HUNK: variants seen among roughly 807,000 people sequenced by gnomAD.
HUNK encodes the protein hormonally up-regulated neu tumor-associated kinase.
A neutral mutation model predicts 61.0 loss-of-function variants in HUNK; 21 were observed. That is an observed-to-expected ratio of 0.34 (90% CI 0.24 to 0.50). HUNK has a LOEUF of 0.50. Ranked by LOEUF, HUNK falls within the 20% of genes least tolerant of loss-of-function variation. The pLI is 0.98. For missense variants in HUNK, 772 were observed against 945.7 expected, an observed-to-expected ratio of 0.82 and a Z score of 2.41; for synonymous variants, 371 against 386.1, an observed-to-expected ratio of 0.96 and a Z score of 0.46.
chr21:31,877,557 A>G (rs2052273338), intron 1 of HUNK, among the ~76,000 whole-genome samples: 1 of 152,174 alleles, frequency 6.6e-6, no homozygotes, highest in Admixed American at 6.5e-5. Flanking sequence ...GAGTTAATGC[A>G]ATCTCTGTTA....
chr21:31,912,621 A>C (rs2052554500), intron 1 of HUNK, among the ~76,000 whole-genome samples: 2 of 152,032 alleles, frequency 1.3e-5, no homozygotes, highest in Non-Finnish European at 2.9e-5. Flanking sequence ...GGCTCACTGC[A>C]GCGTCAACCT....
intron 2 of HUNK, among the ~76,000 whole-genome samples, chr21:31,933,396 T>C (rs1459705351): frequency 6.6e-6 from 1 of 151,908 alleles, no homozygotes; most frequent in African/African-American, 2.4e-5. Context: ...ACGCTTATAA[T>C]CCCAGCACTT....
intron 1 of HUNK, among the ~76,000 whole-genome samples, chr21:31,898,441 A>G (rs905602496): frequency 6.6e-6 from 1 of 151,906 alleles, no homozygotes; most frequent in Non-Finnish European, 1.5e-5. Context: ...AATTTTTTGT[A>G]TTTTTAGTAG....
In HUNK at chr21:31,999,943, A is replaced by G; in HGVS notation, c.*759A>G. ...TTTTTAAAACTTGGATGGAGAGATG[A>G]GAAGCAATTCCACCAAACTCATGTT... On this transcript the variant is annotated 3_prime_UTR_variant, in exon 11 of 11. Coordinates refer to ENST00000270112, the MANE Select transcript of HUNK (RefSeq NM_014586.2). 2.5e-6 allele frequency: 1 copy of G among 392,816 alleles called. No individual in the cohort carries two copies. The highest frequency in any genetic ancestry group is 4.5e-6 in the Non-Finnish European group (1 of 222,780). 24.3% of individuals were successfully genotyped at this position (392,816 alleles called of 1,614,324 possible). A position where few individuals can be genotyped will look rare whatever the true frequency, so the allele number is the denominator to read the frequency against.
chr21:31,873,516 GGGGCGTGATCGCGGCGGCCCC>G lies in HUNK; in HGVS notation c.-154_-134del, dbSNP rs2052230863. 1 of 444,216 alleles carries G rather than the reference GGGGCGTGATCGCGGCGGCCCC, an allele frequency of 2.3e-6. No individual in the cohort carries two copies. The highest frequency in any genetic ancestry group is 3.0e-6 in the Non-Finnish European group (1 of 335,258). The allele number at this position is 444,216 out of a possible 1,614,324, so 27.5% of individuals were successfully genotyped here. On this transcript the variant is annotated 5_prime_UTR_variant, in exon 1 of 11. Coordinates refer to ENST00000270112, the MANE Select transcript of HUNK (RefSeq NM_014586.2). The surrounding 1 kb of genome is among the most constrained non-coding windows in gnomAD (Gnocchi z 6.1). The stretch of plus-strand genomic sequence containing the variant: ...CTACGCGCCTCGCTGGGCGGCGCGG[GGGGCGTGATCGCGGCGGCCCC>G]GGGCTCTGGGTGCGGAGACCCAGGC...
At chr21:31,992,612 G>A (rs111753054) in intron 9 of HUNK, among the ~76,000 whole-genome samples, 2 of 152,348 alleles carry the variant, frequency 1.3e-5, no homozygotes, top group African/African-American at 4.8e-5. Context: ...GGAGCGCATC[G>A]GAGGGAAGCC....
In HUNK at chr21:31,999,374, A is replaced by G. The variant is rs1048387416; in HGVS notation, c.*190A>G. On this transcript the variant is annotated 3_prime_UTR_variant, in exon 11 of 11. Transcript: ENST00000270112. ...GACCCCCAGAGATGCTGGAATCGCT[A>G]GGAGGGTTGGCTCCAGGGGCAGCCA... The G allele has an allele frequency of 3.6e-6, 2 of 562,268 alleles. No homozygotes were observed. Among genetic ancestry groups the G allele is most frequent in the Middle Eastern group, 4.7e-4 (1 of 2,114 alleles). 34.8% of individuals were successfully genotyped at this position (562,268 alleles called of 1,614,324 possible).
intron 1 of HUNK, among the ~76,000 whole-genome samples, chr21:31,912,821 G>A (rs7277082): frequency 0.28 from 42,646 of 151,956 alleles, 8,057 homozygotes; most frequent in African/African-American, 0.53. Flanking sequence ...GAGGTCTGTC[G>A]ACTCTGCATC....
At chr21:31,892,569 GAAAA>G (rs10562491) in intron 1 of HUNK, among the ~76,000 whole-genome samples, 1 of 103,070 alleles carries the variant, frequency 9.7e-6, no homozygotes, top group Non-Finnish European at 1.9e-5. Context: ...GACTCTCTCT[GAAAA>G]AAAAAAAAAA....
At chr21:31,917,508 C>G (rs1288971670) in intron 1 of HUNK, among the ~76,000 whole-genome samples, 1 of 152,108 alleles carries the variant, frequency 6.6e-6, no homozygotes, top group African/African-American at 2.4e-5. Context: ...GACTTTGCTA[C>G]TAATCTTCTT....
At chr21:31,913,203 C>T (rs1315208416) in intron 1 of HUNK, among the ~76,000 whole-genome samples, 1 of 152,040 alleles carries the variant, frequency 6.6e-6, no homozygotes, top group Non-Finnish European at 1.5e-5. Context: ...GCTGGAGAGG[C>T]CCGGAGTGAC....
chr21:31,946,076 G>A lies in HUNK; in HGVS notation c.651G>A (p.Ser217=), dbSNP rs763429549. The A allele has an allele frequency of 3.1e-6, 5 of 1,611,992 alleles. No homozygotes were observed. The highest frequency in any genetic ancestry group is 1.1e-5 in the South Asian group (1 of 90,934). Residue 217 remains serine (S), a synonymous_variant, in exon 4 of 11, where the codon TCG becomes TCA. Transcript: ENST00000270112. ...ACTGCGCAGGGATCCTGGGTTACTCGGATCCGTTCAGCACACAGTGTGGCA... is the reference window on the plus strand; with the variant it reads ...ACTGCGCAGGGATCCTGGGTTACTCAGATCCGTTCAGCACACAGTGTGGCA... The part of the protein sequence containing the change: ...LSNCAGILGY[S]DPFSTQCGSP...
chr21:31,957,570 A>C (rs193037584), intron 4 of HUNK, among the ~76,000 whole-genome samples: 173 of 152,276 alleles, frequency 1.1e-3, no homozygotes, highest in African/African-American at 4.0e-3. Context: ...GCCTGTTTTT[A>C]AAGTATATTC....
At chr21:31,992,344 C>G (rs2123254914) in intron 9 of HUNK, among the ~76,000 whole-genome samples, 1 of 152,324 alleles carries the variant, frequency 6.6e-6, no homozygotes, top group East Asian at 1.9e-4. Flanking sequence ...CATTAAGGAT[C>G]CTGGGTAAAT....
At position 31,940,305 on chromosome 21, in the gene HUNK, A is replaced by C; in HGVS notation, c.610+85A>C. ...CAACTTTGAAAATTATCCATGGTCT[A>C]TCTCTAATACCCAGACAATATTCTA... On this transcript the variant is annotated intron_variant, in intron 3 of 10. Transcript: ENST00000270112. 3 of 768,130 alleles carry C rather than the reference A, an allele frequency of 3.9e-6. No individual in the cohort carries two copies. In the South Asian group the frequency reaches 5.0e-5, roughly 13 times the overall value. The allele number at this position is 768,130 out of a possible 1,614,324, so 47.6% of individuals were successfully genotyped here.
At chr21:31,909,947 C>A (rs566760098) in intron 1 of HUNK, among the ~76,000 whole-genome samples, 1 of 152,182 alleles carries the variant, frequency 6.6e-6, no homozygotes, top group Non-Finnish European at 1.5e-5. Flanking sequence ...GGGCTGGAGC[C>A]GGGAGCCGGG....
chr21:31,928,165 C>T (rs80282105), intron 2 of HUNK, among the ~76,000 whole-genome samples: 2,463 of 152,226 alleles, frequency 0.016, 57 homozygotes, highest in African/African-American at 0.054. Flanking sequence ...TCACCGACTC[C>T]GCAGGTCACA....
intron 4 of HUNK, among the ~76,000 whole-genome samples, chr21:31,953,774 C>G (rs970466235): frequency 6.6e-6 from 1 of 152,036 alleles, no homozygotes; most frequent in Admixed American, 6.6e-5. Context: ...GAGGTGGGTC[C>G]TCTTTAAGGA....
chr21:31,930,802 C>T (rs1176424834), intron 2 of HUNK, among the ~76,000 whole-genome samples: 1 of 152,154 alleles, frequency 6.6e-6, no homozygotes, highest in East Asian at 1.9e-4. Context: ...GGAGTTTCTT[C>T]ATTGACTTAG....
Sources: gnomAD v4.1 joint callset for allele counts (sites outside exome capture counted in the v4.1 genomes callset) on GRCh38, gnomAD v4.1.1 for gene constraint, Gnocchi (gnomAD v3.1) non-coding constraint, MANE v1.5 for transcripts, NCBI Gene and HGNC (gene_info 2026-07-23, HGNC 2026-07-21) for gene names.